ATP8A1: variants seen among roughly 807,000 people sequenced by gnomAD.
ATP8A1 encodes ATPase phospholipid transporting 8A1.
In ATP8A1, 90 loss-of-function variants were observed where a neutral mutation model predicts 177.7. The ratio of observed to expected loss-of-function variants is 0.51; its 90% CI spans 0.43 to 0.60. The LOEUF (loss-of-function observed/expected upper bound fraction) is 0.60. ATP8A1 is among the 20% of genes least tolerant of loss of function. The pLI, the probability that ATP8A1 is intolerant of heterozygous loss-of-function variation, is 0.00. For synonymous variants in ATP8A1, 493 were observed against 485.9 expected (o/e 1.01, Z -0.19); for missense variants, 1,072 against 1,392.8 (o/e 0.77, Z 3.67).
At chr4:42,510,865 T>C (rs932371252) in intron 22 of ATP8A1, among the ~76,000 whole-genome samples, 4 of 152,146 alleles carry the variant, frequency 2.6e-5, no homozygotes, top group African/African-American at 9.7e-5. Flanking sequence ...GAGAAACATT[T>C]TCAAAGCAGG....
At chr4:42,544,879 C>T (rs1409252198) in intron 19 of ATP8A1, among the ~76,000 whole-genome samples, 15 of 152,034 alleles carry the variant, frequency 9.9e-5, no homozygotes, top group East Asian at 3.9e-4. Flanking sequence ...TTTCAGTTCC[C>T]GGCCTGGCAC....
At position 42,410,378 on chromosome 4, in the gene ATP8A1, T is replaced by C. The variant is rs1281578450; in HGVS notation, c.*2538A>G. 1 of 152,194 alleles carries C rather than the reference T, an allele frequency of 6.6e-6. No individual in the cohort carries two copies. Among genetic ancestry groups the C allele is most frequent in the Non-Finnish European group, 1.5e-5 (1 of 68,016 alleles). 9.4% of individuals were successfully genotyped at this position (152,194 alleles called of 1,614,324 possible). ...AGAGTCCCTATAAGGAACTTTTTAA[T>C]TGAAGAGTACGTGCCCTTTATTTCA... On this transcript the variant is annotated 3_prime_UTR_variant, in exon 37 of 37. Transcript: ENST00000381668.
At chr4:42,561,245 G>A (rs761466212) in intron 15 of ATP8A1, among the ~76,000 whole-genome samples, 24 of 152,098 alleles carry the variant, frequency 1.6e-4, no homozygotes, top group Non-Finnish European at 2.9e-4. Flanking sequence ...ACTGGGCCTC[G>A]GGCCGGCCTG....
chr4:42,619,904 C>A (rs553940030), intron 4 of ATP8A1, among the ~76,000 whole-genome samples: 23 of 152,308 alleles, frequency 1.5e-4, no homozygotes, highest in African/African-American at 5.5e-4. Flanking sequence ...CCCCTCTCCC[C>A]ACCCTTGCTA....
chr4:42,574,544 G>C, intron 14 of ATP8A1, 75 bp downstream of exon 14: 1 of 1,220,940 alleles, frequency 8.2e-7, no homozygotes, highest in South Asian at 1.4e-5. Flanking sequence ...CCCCTAATAA[G>C]AACTCCCAAA....
chr4:42,609,055 T>A (rs1035001740), intron 5 of ATP8A1, among the ~76,000 whole-genome samples: 2 of 152,126 alleles, frequency 1.3e-5, no homozygotes, highest in South Asian at 2.1e-4. Context: ...CAAAAGACAA[T>A]GGAAACTTCC....
intron 20 of ATP8A1, among the ~76,000 whole-genome samples, chr4:42,538,853 T>C (rs1728095776): frequency 6.6e-6 from 1 of 152,188 alleles, no homozygotes; most frequent in Non-Finnish European, 1.5e-5. Context: ...GTGTGGAGAT[T>C]CCTTAAAGAA....
chr4:42,633,969 G>A (rs1376505215), intron 1 of ATP8A1, among the ~76,000 whole-genome samples: 1 of 152,178 alleles, frequency 6.6e-6, no homozygotes. Context: ...AGGAACATGA[G>A]GGCCACTAAC....
intron 25 of ATP8A1, among the ~76,000 whole-genome samples, chr4:42,484,075 T>G (rs1721962628): frequency 6.6e-6 from 1 of 152,228 alleles, no homozygotes; most frequent in Non-Finnish European, 1.5e-5. Context: ...TTAAAGTGAT[T>G]AAGTGACCAA....
chr4:42,525,265 A>G (rs1461251034), intron 20 of ATP8A1, among the ~76,000 whole-genome samples: 1 of 152,206 alleles, frequency 6.6e-6, no homozygotes, highest in Admixed American at 6.5e-5. Context: ...TCTTGCTGGA[A>G]TAATCCTCGG....
At chr4:42,532,167 A>G (rs1727330947) in intron 20 of ATP8A1, among the ~76,000 whole-genome samples, 1 of 151,994 alleles carries the variant, frequency 6.6e-6, no homozygotes, top group Non-Finnish European at 1.5e-5. Flanking sequence ...ACACGGGAAT[A>G]AATTTAACCA....
chr4:42,418,758 T>C (rs1713529587), intron 35 of ATP8A1, among the ~76,000 whole-genome samples: 1 of 152,314 alleles, frequency 6.6e-6, no homozygotes, highest in African/African-American at 2.4e-5. Flanking sequence ...TAAACATATT[T>C]TTCCCCTAAA....
At chr4:42,454,025 G>A (rs959841449) in intron 29 of ATP8A1, among the ~76,000 whole-genome samples, 10 of 152,124 alleles carry the variant, frequency 6.6e-5, no homozygotes, top group African/African-American at 2.4e-4. Context: ...AGAGATAACT[G>A]CACATTAATA....
intron 22 of ATP8A1, among the ~76,000 whole-genome samples, chr4:42,513,124 C>T (rs1725181779): frequency 6.6e-6 from 1 of 152,144 alleles, no homozygotes; most frequent in Admixed American, 6.5e-5. Context: ...CCCATCTTTG[C>T]ACCTGGCTCC....
chr4:42,498,631 C>T lies in ATP8A1; in HGVS notation c.2151+4819G>A, dbSNP rs184687539. On this transcript the variant is annotated intron_variant, in intron 24 of 36. Coordinates refer to ENST00000381668, the MANE Select transcript of ATP8A1 (RefSeq NM_006095.2). ...TTTAAGTAATTTAAGAGTAGAATGG[C>T]TGTTCAAAGTCATCTGTTACATCGG... is the stretch of plus-strand genomic sequence containing the variant. 2.0e-5 allele frequency among the ~76,000 whole-genome samples: 3 copies of T among 152,084 alleles called. No homozygotes were observed. The East Asian group carries it at 5.8e-4, about 29-fold the overall frequency.
At chr4:42,596,709 G>A (rs1318338275) in intron 6 of ATP8A1, among the ~76,000 whole-genome samples, 1 of 150,512 alleles carries the variant, frequency 6.6e-6, no homozygotes, top group Non-Finnish European at 1.5e-5. Context: ...AATACATATT[G>A]TGGTGGAAGC....
intron 35 of ATP8A1, among the ~76,000 whole-genome samples, chr4:42,417,336 CAAA>C (rs5857844): frequency 6.9e-6 from 1 of 144,576 alleles, no homozygotes; most frequent in African/African-American, 2.5e-5. Flanking sequence ...TGTGAAAAGA[CAAA>C]AAAAAAAAAC....
At chr4:42,435,461 A>AAACAC (rs1715872360) in intron 33 of ATP8A1, among the ~76,000 whole-genome samples, 2 of 122,346 alleles carry the variant, frequency 1.6e-5, no homozygotes, top group Non-Finnish European at 3.5e-5. Context: ...AAAAAAAAAA[A>AAACAC]AACAAACTAT....
chr4:42,525,168 T>C (rs554613520), intron 20 of ATP8A1, among the ~76,000 whole-genome samples: 35 of 152,282 alleles, frequency 2.3e-4, no homozygotes, highest in African/African-American at 7.9e-4. Context: ...AACACCTTCA[T>C]AGGTATTCAT....
Sources: gnomAD v4.1 joint callset for allele counts (sites outside exome capture counted in the v4.1 genomes callset) on GRCh38, gnomAD v4.1.1 for gene constraint, MANE v1.5 for transcripts, NCBI Gene and HGNC (gene_info 2026-07-23, HGNC 2026-07-21) for gene names.